Variants in GOPC observed in about 807,000 individuals in gnomAD.
The protein encoded by GOPC is Golgi-associated PDZ and coiled-coil motif-containing protein.
A neutral mutation model predicts 51.2 loss-of-function variants in GOPC; 32 were observed. The observed-to-expected ratio is 0.63, with a 90% CI of 0.47 to 0.84. GOPC has a LOEUF of 0.84. Among genes scored for constraint, GOPC ranks in the 40% least tolerant of loss-of-function variants. GOPC has a pLI of 0.00. For missense variants in GOPC, 441 were observed against 555.5 expected (o/e 0.79, Z 2.07); for synonymous variants, 190 against 205.1 (o/e 0.93, Z 0.63).
chr6:117,589,415 G>A (rs1355879273), intron 1 of GOPC, among the ~76,000 whole-genome samples: 1 of 152,250 alleles, frequency 6.6e-6, no homozygotes, highest in Non-Finnish European at 1.5e-5. Context: ...CACCTCCCGG[G>A]TTCAAGTGAT....
chr6:117,579,762 TCAAG>T (rs1324178867), intron 1 of GOPC, among the ~76,000 whole-genome samples: 1 of 152,054 alleles, frequency 6.6e-6, no homozygotes, highest in Non-Finnish European at 1.5e-5. Flanking sequence ...AGATTAAAGA[TCAAG>T]ACATGCCTTT....
chr6:117,588,586 A>G (rs571953816), intron 1 of GOPC, among the ~76,000 whole-genome samples: 5 of 152,164 alleles, frequency 3.3e-5, no homozygotes, highest in Admixed American at 6.5e-5. Context: ...CCAGGAATTT[A>G]AAGGTTTGAA....
chr6:117,597,156 A>C (rs1780209249), intron 1 of GOPC, among the ~76,000 whole-genome samples: 1 of 152,198 alleles, frequency 6.6e-6, no homozygotes, highest in African/African-American at 2.4e-5. Flanking sequence ...GTCTTATAAA[A>C]GTGGCTGATT....
intron 5 of GOPC, among the ~76,000 whole-genome samples, chr6:117,571,378 C>G (rs774590051): frequency 3.3e-5 from 5 of 152,096 alleles, no homozygotes; most frequent in East Asian, 3.9e-4. Context: ...CTTATACATT[C>G]CTTGGTGCTC....
At chr6:117,573,424 G>A (rs1385203336) in intron 5 of GOPC, 43 bp downstream of exon 5, 2 of 1,575,020 alleles carry the variant, frequency 1.3e-6, no homozygotes, top group Admixed American at 3.7e-5. Context: ...ATTAAAGAAA[G>A]AAAGAAGAGG....
At chr6:117,570,827 G>A in intron 6 of GOPC, 33 bp downstream of exon 6, 1 of 996,878 alleles carries the variant, frequency 1.0e-6, no homozygotes, top group Non-Finnish European at 1.5e-6. Context: ...CTAGATAACT[G>A]TAGAAAATGA....
intron 8 of GOPC, among the ~76,000 whole-genome samples, chr6:117,566,498 G>T (rs910589286): frequency 6.6e-6 from 1 of 152,134 alleles, no homozygotes; most frequent in African/African-American, 2.4e-5. Flanking sequence ...TTCATTGTGA[G>T]AGATGAATTT....
intron 7 of GOPC, among the ~76,000 whole-genome samples, chr6:117,567,328 A>G (rs1205857285): frequency 6.6e-6 from 1 of 152,210 alleles, no homozygotes; most frequent in East Asian, 1.9e-4. Context: ...TTAAATTTAT[A>G]GAATTTTGGA....
chr6:117,568,165 A>C (rs1272206160), intron 7 of GOPC, among the ~76,000 whole-genome samples: 4 of 151,994 alleles, frequency 2.6e-5, no homozygotes, highest in Non-Finnish European at 5.9e-5. Context: ...GTGCCACTGC[A>C]CTCCAGCCTG....
In GOPC at chr6:117,602,021, T is replaced by C. The variant is rs1772023055; in HGVS notation, c.268A>G (p.Ile90Val). 1 of 1,614,114 alleles carries C rather than the reference T, an allele frequency of 6.2e-7. No individual in the cohort carries two copies. The highest frequency in any genetic ancestry group is 8.5e-7 in the Non-Finnish European group (1 of 1,179,984). Residue 90 changes from isoleucine (I) to valine (V), a missense_variant, in exon 1 of 9, where the codon ATC becomes GTC. Physicochemically the swap from Ile to Val is conservative, Grantham distance 29. Transcript: ENST00000368498. The stretch of plus-strand genomic sequence containing the variant: ...CGGCTCACCTCCAGCTTGTGGTTGA[T>C]TTGAGACACAGACTGGGCTTTGTGG... ...LCHKAQSVSQ[I>V]NHKLEAQLVD...
intron 1 of GOPC, among the ~76,000 whole-genome samples, chr6:117,590,439 G>A (rs1300203586): frequency 1.3e-5 from 2 of 151,844 alleles, no homozygotes; most frequent in African/African-American, 2.4e-5. Context: ...GGGCGTGGTG[G>A]TATATGGCTG....
intron 1 of GOPC, among the ~76,000 whole-genome samples, chr6:117,593,481 T>C (rs80051794): frequency 0.036 from 5,424 of 152,314 alleles, 127 homozygotes; most frequent in Non-Finnish European, 0.051. Flanking sequence ...ACAATCTCAC[T>C]TCTTGCTATC....
At chr6:117,588,031 TTTTTAA>T (rs1780058701) in intron 1 of GOPC, among the ~76,000 whole-genome samples, 1 of 151,978 alleles carries the variant, frequency 6.6e-6, no homozygotes, top group Non-Finnish European at 1.5e-5. Context: ...CACATGGTCA[TTTTTAA>T]ATTTTTTTGT....
Position 117,601,992 on chromosome 6 carries a change from C to G in GOPC, c.285+12G>C. 1 of 1,612,664 alleles carries G rather than the reference C, an allele frequency of 6.2e-7. No homozygotes were observed. The highest frequency in any genetic ancestry group is 1.1e-5 in the South Asian group (1 of 91,028). Reference sequence around the variant, plus strand: ...GGGTTGGATGCCATAGCCGCCAGCACCCACGGCTCACCTCCAGCTTGTGGT... The same window carrying G: ...GGGTTGGATGCCATAGCCGCCAGCAGCCACGGCTCACCTCCAGCTTGTGGT... On this transcript the variant is annotated intron_variant, in intron 1 of 8. Transcript: ENST00000368498.
At chr6:117,582,229 T>G (rs1779968598) in intron 1 of GOPC, among the ~76,000 whole-genome samples, 2 of 150,724 alleles carry the variant, frequency 1.3e-5, no homozygotes, top group South Asian at 4.3e-4. Context: ...GTAAGTTCTC[T>G]CTCTCTCTCT....
At chr6:117,591,275 C>T (rs370221197) in intron 1 of GOPC, among the ~76,000 whole-genome samples, 1 of 152,018 alleles carries the variant, frequency 6.6e-6, no homozygotes, top group African/African-American at 2.4e-5. Context: ...GCAAAGAATA[C>T]AAAAAACAAA....
rs753103458 is a variant in GOPC at position 117,602,317 on chromosome 6, T to C, written c.-29A>G. 3 of 1,547,688 alleles carry C rather than the reference T, an allele frequency of 1.9e-6. No individual in the cohort carries two copies. Among genetic ancestry groups the C allele is most frequent in the Non-Finnish European group, 1.7e-6 (2 of 1,156,270 alleles). On this transcript the variant is annotated 5_prime_UTR_variant, in exon 1 of 9. Transcript: ENST00000368498. ...GCCGTCAAGGGCCTCTCCCGACTGC[T>C]GAAGACCCTCGCCGCCCCCCGCGCA...
At chr6:117,598,113 T>C (rs1044259242) in intron 1 of GOPC, among the ~76,000 whole-genome samples, 1 of 151,470 alleles carries the variant, frequency 6.6e-6, no homozygotes, top group Non-Finnish European at 1.5e-5. Context: ...AATACCAGCA[T>C]TTCGAGAGGT....
chr6:117,594,851 GA>G (rs2114628742), intron 1 of GOPC, among the ~76,000 whole-genome samples: 1 of 152,230 alleles, frequency 6.6e-6, no homozygotes, highest in East Asian at 1.9e-4. Flanking sequence ...TTTAAAAAAG[GA>G]GTAACAGGCA....
Sources: gnomAD v4.1 joint callset for allele counts (sites outside exome capture counted in the v4.1 genomes callset) on GRCh38, gnomAD v4.1.1 for gene constraint, MANE v1.5 for transcripts, NCBI Gene and HGNC (gene_info 2026-07-23, HGNC 2026-07-21) for gene names.